The following SKIC8 variants were observed in gnomAD, a reference collection of about 807,000 sequenced individuals.
The protein encoded by SKIC8 is SKI8 subunit of superkiller complex.
At chr15:78,285,828 A>T in the SKIC8 span, 56 of 477,754 alleles carry the variant, frequency 1.2e-4, no homozygotes, top group African/African-American at 1.1e-3. Context: ...TAATGAAAAA[A>T]CTAAGAGTTT....
At chr15:78,289,515 T>A in the SKIC8 span, 1 of 823,658 alleles carries the variant, frequency 1.2e-6, no homozygotes, top group East Asian at 2.6e-5. Context: ...TGATATTTTG[T>A]AAATCTAATG....
the SKIC8 span, among the ~76,000 whole-genome samples, chr15:78,296,512 G>A: frequency 6.6e-6 from 1 of 151,886 alleles, no homozygotes; most frequent in African/African-American, 2.4e-5. Context: ...ACCCCCTTTG[G>A]CGGACTTTTT....
the SKIC8 span, chr15:78,283,822 A>C: frequency 4.9e-6 from 1 of 205,008 alleles, no homozygotes; most frequent in Non-Finnish European, 9.7e-6. Flanking sequence ...GTGTAACCTA[A>C]TGCCAGGAAG....
the SKIC8 span, chr15:78,286,981 C>T: frequency 6.6e-6 from 1 of 152,196 alleles, no homozygotes; most frequent in South Asian, 2.1e-4. Flanking sequence ...TGTCAAAACT[C>T]ATAGAATGTA....
At chr15:78,295,575 A>C in the SKIC8 span, 1 of 1,543,896 alleles carries the variant, frequency 6.5e-7, no homozygotes, top group Non-Finnish European at 9.0e-7. Context: ...GCCAGGCAAG[A>C]ATGAGATGCT....
the SKIC8 span, among the ~76,000 whole-genome samples, chr15:78,297,947 C>T: frequency 6.6e-6 from 1 of 152,208 alleles, no homozygotes; most frequent in African/African-American, 2.4e-5. Context: ...AAGACAAGTT[C>T]TCATTATGTT....
the SKIC8 span, chr15:78,289,914 A>G: frequency 6.2e-7 from 1 of 1,602,902 alleles, no homozygotes; most frequent in Non-Finnish European, 8.5e-7. Flanking sequence ...GTAAACTGAA[A>G]GAATCAGAAG....
At chr15:78,292,958 A>G in the SKIC8 span, 1 of 964,386 alleles carries the variant, frequency 1.0e-6, no homozygotes, top group Non-Finnish European at 1.5e-6. Context: ...TAAATGTAGG[A>G]CTTTAAGATT....
the SKIC8 span, among the ~76,000 whole-genome samples, chr15:78,297,262 A>C: frequency 1.3e-5 from 2 of 152,220 alleles, no homozygotes; most frequent in Non-Finnish European, 1.5e-5. Context: ...ATGAGAGTTG[A>C]CAAGAAGGCA....
At chr15:78,296,473 T>A in the SKIC8 span, among the ~76,000 whole-genome samples, 1 of 151,186 alleles carries the variant, frequency 6.6e-6, no homozygotes, top group African/African-American at 2.4e-5. Context: ...TAAGGGCTAA[T>A]GGTTCTTATT....
At chr15:78,293,014 A>C in the SKIC8 span, 1 of 824,130 alleles carries the variant, frequency 1.2e-6, no homozygotes, top group Non-Finnish European at 1.9e-6. Flanking sequence ...ACAGGAAAAC[A>C]AGTGGGAAAA....
At chr15:78,287,635 G>A in the SKIC8 span, among the ~76,000 whole-genome samples, 2 of 152,180 alleles carry the variant, frequency 1.3e-5, no homozygotes, top group Admixed American at 6.5e-5. Context: ...CCATAGCACC[G>A]AGTCATAGTA....
the SKIC8 span, chr15:78,285,435 C>A: frequency 5.7e-6 from 6 of 1,060,216 alleles, no homozygotes; most frequent in African/African-American, 4.7e-5. Flanking sequence ...TTCAGACCCC[C>A]CAACCCCATG....
chr15:78,296,548 T>C, the SKIC8 span, among the ~76,000 whole-genome samples: 3 of 144,676 alleles, frequency 2.1e-5, no homozygotes, highest in African/African-American at 7.8e-5. Flanking sequence ...TCTTGCTCCA[T>C]CACCCAGACT....
At chr15:78,291,479 C>G in the SKIC8 span, among the ~76,000 whole-genome samples, 1 of 152,142 alleles carries the variant, frequency 6.6e-6, no homozygotes, top group East Asian at 1.9e-4. Context: ...CAGGGTGCGT[C>G]TGGGTAGCTT....
At chr15:78,294,037 A>C in the SKIC8 span, among the ~76,000 whole-genome samples, 3 of 152,226 alleles carry the variant, frequency 2.0e-5, no homozygotes, top group Non-Finnish European at 4.4e-5. Flanking sequence ...TTCCCAAAAT[A>C]TGAATATAAA....
the SKIC8 span, chr15:78,288,321 A>C: frequency 6.2e-7 from 1 of 1,613,952 alleles, no homozygotes; most frequent in Non-Finnish European, 8.5e-7. Flanking sequence ...CATCATCTGA[A>C]GCAGTGACAA....
the SKIC8 span, chr15:78,295,762 T>C: frequency 2.0e-6 from 3 of 1,489,604 alleles, no homozygotes; most frequent in South Asian, 2.7e-5. Context: ...TGAGGGGGTG[T>C]CATCAGGATA....
chr15:78,286,011 T>C, the SKIC8 span: 2 of 1,586,754 alleles, frequency 1.3e-6, no homozygotes, highest in Non-Finnish European at 1.7e-6. Flanking sequence ...CTCCCCAGCA[T>C]TTTAGAAACT....
Sources: gnomAD v4.1 joint callset for allele counts (sites outside exome capture counted in the v4.1 genomes callset) on GRCh38, gnomAD v4.1.1 for gene constraint, MANE v1.5 for transcripts, NCBI Gene and HGNC (gene_info 2026-07-23, HGNC 2026-07-21) for gene names.